GSE1: variants seen among roughly 807,000 people sequenced by gnomAD.
GSE1 encodes genetic suppressor element 1.
A neutral mutation model predicts 112.6 loss-of-function variants in GSE1; 32 were observed. The observed-to-expected ratio is 0.28, with a 90% confidence interval of 0.21 to 0.38. The LOEUF is 0.38. Among genes scored for constraint, GSE1 ranks in the 10% least tolerant of loss-of-function variants. GSE1 has a pLI of 1.00. For missense variants in GSE1, 2,348 were observed against 1,699.2 expected (o/e 1.38, Z -6.71); for synonymous variants, 1,115 against 735.6 (o/e 1.52, Z -8.35).
chr16:85,573,115 C>T lies in GSE1; in HGVS notation c.37+16752C>T, dbSNP rs147060307. 4.9e-4 allele frequency among the ~76,000 whole-genome samples: 74 copies of T among 152,320 alleles called. 1 individual carries two copies. The East Asian group carries it at 8.3e-3, about 17-fold the overall frequency. ...CTGACCTCAGGTGATCCGCCCGCCT[C>T]GGCCTCACAAAGTGCTGGGATTACA... On this transcript the variant is annotated intron_variant, in intron 1 of 2. Coordinates refer to the GSE1 transcript ENST00000635906.
In GSE1 at chr16:85,360,780, G is replaced by GAC. The variant is rs150394789; in HGVS notation, c.2464+3149_2464+3150dup. Reference sequence around the variant, plus strand: ...TAGGCACGGGTGCACGCGTAAGTCAGACACACACACACATACGCAGACACA... The same window carrying GAC: ...TAGGCACGGGTGCACGCGTAAGTCAGACACACACACACACATACGCAGACACA... On this transcript the variant is annotated intron_variant, in intron 2 of 2. Transcript: ENST00000637419. Among the ~76,000 whole-genome samples the GAC allele has an allele frequency of 7.2e-5, 11 of 151,892 alleles. No homozygotes were observed. The South Asian group carries it at 8.3e-4, about 11-fold the overall frequency.
chr16:85,530,772 G>A (rs1227323321), intron 2 of GSE1, among the ~76,000 whole-genome samples: 1 of 152,266 alleles, frequency 6.6e-6, no homozygotes, highest in Non-Finnish European at 1.5e-5. Flanking sequence ...CTGCATGGCA[G>A]TTCCTTCTGA....
intron 2 of GSE1, among the ~76,000 whole-genome samples, chr16:85,529,826 G>A (rs1487910967): frequency 1.3e-5 from 2 of 152,356 alleles, no homozygotes; most frequent in East Asian, 3.9e-4. Flanking sequence ...CTGGGAAACA[G>A]GACCCAGAAT....
intron 8 of GSE1, among the ~76,000 whole-genome samples, chr16:85,660,315 T>C (rs2052325822): frequency 1.3e-5 from 2 of 152,292 alleles, no homozygotes; most frequent in African/African-American, 4.8e-5. Context: ...CTCCCTATCC[T>C]CTTGGAGCAG....
intron 1 of GSE1, among the ~76,000 whole-genome samples, chr16:85,304,601 C>CA (rs1555557422): frequency 1.3e-5 from 1 of 78,180 alleles, no homozygotes; most frequent in Non-Finnish European, 2.5e-5. Context: ...AAGCCGGGGG[C>CA]GGGGGGGTGG....
Position 85,477,390 on chromosome 16 carries a change from G to A in GSE1, c.2464+119747G>A, listed in dbSNP as rs541515459. Among the ~76,000 whole-genome samples, 4 of 152,192 alleles carry A rather than the reference G, an allele frequency of 2.6e-5. No individual in the cohort carries two copies. In the South Asian group the frequency reaches 8.3e-4, roughly 32 times the overall value. ...AACTAAAACCCTAGGAACCCTTCCT[G>A]TGTGTGCTGCCCACCTAGGAGGGTG... On this transcript the variant is annotated intron_variant, in intron 2 of 2. Transcript: ENST00000637419.
At chr16:85,424,793 G>A (rs1487515189) in intron 2 of GSE1, among the ~76,000 whole-genome samples, 4 of 152,400 alleles carry the variant, frequency 2.6e-5, no homozygotes, top group Admixed American at 1.3e-4. Context: ...CCCCCTCTGC[G>A]TGGCATGGCG....
chr16:85,401,388 G>T (rs926330377), intron 2 of GSE1, among the ~76,000 whole-genome samples: 5 of 152,174 alleles, frequency 3.3e-5, no homozygotes, highest in African/African-American at 1.2e-4. Context: ...CCAGGGGTGG[G>T]GGCAGAAAGA....
At chr16:85,506,634 A>T (rs948708855) in intron 2 of GSE1, among the ~76,000 whole-genome samples, 1 of 151,952 alleles carries the variant, frequency 6.6e-6, no homozygotes, top group Admixed American at 6.6e-5. Context: ...GTGTTTTCTT[A>T]TATGTAGAGG....
At chr16:85,497,111 C>G (rs961119355) in intron 2 of GSE1, among the ~76,000 whole-genome samples, 3 of 152,142 alleles carry the variant, frequency 2.0e-5, no homozygotes, top group African/African-American at 7.2e-5. Flanking sequence ...GTTGGCCAGG[C>G]TGGTCTTGAA....
In GSE1 at chr16:85,238,335, C is replaced by A. The variant is rs745891711; in HGVS notation, c.2283+66528C>A. Among the ~76,000 whole-genome samples, 22 of 152,340 alleles carry A rather than the reference C, an allele frequency of 1.4e-4. No homozygotes were observed. In the South Asian group the frequency reaches 4.6e-3, roughly 32 times the overall value. On this transcript the variant is annotated intron_variant, in intron 1 of 2. Coordinates refer to the GSE1 transcript ENST00000637419. Reference sequence around the variant, plus strand: ...CTGTTTGTTTTTCTTCCAGAACCATCGCCTCTCACCAAGGCAGCCATCCAA... The same window carrying A: ...CTGTTTGTTTTTCTTCCAGAACCATAGCCTCTCACCAAGGCAGCCATCCAA...
At chr16:85,400,249 T>TG (rs2048066823) in intron 2 of GSE1, among the ~76,000 whole-genome samples, 6 of 150,482 alleles carry the variant, frequency 4.0e-5, no homozygotes, top group African/African-American at 1.5e-4. Flanking sequence ...AAGTGTAGGG[T>TG]TGTGTGTGTG....
chr16:85,452,002 G>A (rs1430660830), intron 2 of GSE1, among the ~76,000 whole-genome samples: 1 of 151,724 alleles, frequency 6.6e-6, no homozygotes, highest in South Asian at 2.1e-4. Flanking sequence ...GGGAGACTGG[G>A]TCCATGTGCT....
intron 1 of GSE1, chr16:85,185,263 C>T (rs1478595895): frequency 6.6e-6 from 1 of 152,324 alleles, no homozygotes; most frequent in African/African-American, 2.4e-5. Context: ...CCCAAGGCCA[C>T]ACAGGTGTCA....
intron 1 of GSE1, among the ~76,000 whole-genome samples, chr16:85,210,860 G>A (rs1461253579): frequency 6.6e-6 from 1 of 152,200 alleles, no homozygotes. Flanking sequence ...AGCAGGAGAG[G>A]AGCCACCTGG....
chr16:85,442,833 G>A (rs67762861), intron 2 of GSE1, among the ~76,000 whole-genome samples: 52,170 of 152,036 alleles, frequency 0.34, 9,628 homozygotes, highest in South Asian at 0.53. Context: ...TCCAGAGGCC[G>A]GAAGTCCGAC....
At chr16:85,594,327 G>C (rs539944584) in intron 1 of GSE1, 1 of 151,876 alleles carries the variant, frequency 6.6e-6, no homozygotes, top group African/African-American at 2.4e-5. Flanking sequence ...GCTCTCCACC[G>C]AAGCCTCCTT....
intron 1 of GSE1, among the ~76,000 whole-genome samples, chr16:85,233,361 A>G (rs1173723978): frequency 6.6e-6 from 1 of 152,212 alleles, no homozygotes; most frequent in African/African-American, 2.4e-5. Flanking sequence ...AATCAAGGGT[A>G]CCTGAGTTGG....
At chr16:85,467,281 G>A (rs2050151050) in intron 2 of GSE1, among the ~76,000 whole-genome samples, 1 of 152,226 alleles carries the variant, frequency 6.6e-6, no homozygotes, top group Admixed American at 6.5e-5. Flanking sequence ...AAGACACTTG[G>A]CCTCTCTGTG....
Sources: gnomAD v4.1 joint callset for allele counts (sites outside exome capture counted in the v4.1 genomes callset) on GRCh38, gnomAD v4.1.1 for gene constraint, MANE v1.5 for transcripts, NCBI Gene and HGNC (gene_info 2026-07-23, HGNC 2026-07-21) for gene names.